Variants in WWP2 observed in about 807,000 individuals in gnomAD.
The protein encoded by WWP2 is WW domain containing E3 ubiquitin protein ligase 2.
A neutral mutation model predicts 121.0 loss-of-function variants in WWP2; 57 were observed. That is an observed-to-expected ratio of 0.47 (90% CI 0.38 to 0.59). The LOEUF is 0.59. Ranked by LOEUF, WWP2 falls within the 20% of genes least tolerant of loss-of-function variation. The probability of loss-of-function intolerance (pLI) is 0.00; values close to 1 mark genes in which losing one functional copy is unlikely to be tolerated. For synonymous variants in WWP2, 449 were observed against 441.3 expected (o/e 1.02, Z -0.22); for missense variants, 962 against 1,158.9 (o/e 0.83, Z 2.47).
chr16:69,924,763 A>AG lies in WWP2; in HGVS notation c.1180-663dup, dbSNP rs1351601443. On this transcript the variant is annotated intron_variant, in intron 10 of 23. Transcript: ENST00000359154. ...ACACTGAGCAACTTCAGGTTCAGGC[A>AG]GGGGAGGAATAAAGGTGCTTTGTAA... Among the ~76,000 whole-genome samples, 5 of 137,560 alleles carry AG rather than the reference A, an allele frequency of 3.6e-5. No individual in the cohort carries two copies. In the East Asian group the frequency reaches 1.1e-3, roughly 31 times the overall value. The allele number at this position is 137,560 out of a possible 152,430, so 90.2% of individuals were successfully genotyped here. A position where few individuals can be genotyped will look rare whatever the true frequency, so the allele number is the denominator to read the frequency against.
intron 1 of WWP2, among the ~76,000 whole-genome samples, chr16:69,770,922 C>T (rs2055400795): frequency 1.3e-5 from 2 of 150,882 alleles, no homozygotes; most frequent in South Asian, 4.2e-4. Context: ...CGCTTGAGCC[C>T]AGGAGTTTGA....
At chr16:69,934,183 C>G in intron 17 of WWP2, 54 bp downstream of exon 17, 2 of 1,597,914 alleles carry the variant, frequency 1.3e-6, no homozygotes, top group Non-Finnish European at 1.7e-6. Context: ...CTCCTCTTCC[C>G]TCTCCTGGTG....
intron 7 of WWP2, 114 bp downstream of exon 7, chr16:69,872,045 C>T: frequency 2.8e-6 from 4 of 1,429,020 alleles, no homozygotes; most frequent in Non-Finnish European, 3.7e-6. Context: ...CGTCAGAAGG[C>T]TCTAGGACTA....
At chr16:69,832,291 G>A (rs2056807700) in intron 4 of WWP2, among the ~76,000 whole-genome samples, 1 of 152,014 alleles carries the variant, frequency 6.6e-6, no homozygotes, top group African/African-American at 2.4e-5. Context: ...TCTATGACGG[G>A]CCATTCCTGT....
chr16:69,939,541 GT>G, intron 23 of WWP2, 128 bp downstream of exon 23: 1 of 938,488 alleles, frequency 1.1e-6, no homozygotes, highest in Non-Finnish European at 1.6e-6. Flanking sequence ...GGGGTGTTGG[GT>G]TGGAGAGATG....
rs560039905 is a variant in WWP2 at position 69,789,450 on chromosome 16, A to G, written c.70+2370A>G. Among the ~76,000 whole-genome samples the G allele has an allele frequency of 3.6e-4, 55 of 152,226 alleles. 1 individual carries two copies. Among genetic ancestry groups the G allele is most frequent in the Admixed American group, 5.9e-4 (9 of 15,278 alleles). The stretch of plus-strand genomic sequence containing the variant: ...TCACCATATTGGGCAGGCTGGCTTC[A>G]AACTCATGACCTCATGATCTCCCCG... On this transcript the variant is annotated intron_variant, in intron 2 of 23. Coordinates refer to ENST00000359154, the MANE Select transcript of WWP2 (RefSeq NM_001270454.2).
intron 6 of WWP2, among the ~76,000 whole-genome samples, chr16:69,846,819 G>A (rs1229145972): frequency 6.6e-6 from 1 of 152,084 alleles, no homozygotes; most frequent in Non-Finnish European, 1.5e-5. Flanking sequence ...AAAGAGTACA[G>A]AGAAAGTTTC....
At chr16:69,778,070 CAAATAT>C (rs936626340) in intron 1 of WWP2, among the ~76,000 whole-genome samples, 1 of 70,178 alleles carries the variant, frequency 1.4e-5, no homozygotes, top group African/African-American at 6.9e-5. Flanking sequence ...AACCCTGTCT[CAAATAT>C]ATATATATAT....
chr16:69,936,665 T>C lies in WWP2; in HGVS notation c.2117+213T>C, dbSNP rs896671939. On this transcript the variant is annotated intron_variant, in intron 19 of 23. Coordinates refer to ENST00000359154, the MANE Select transcript of WWP2 (RefSeq NM_001270454.2). ...AGTTACCGACTCCCAGCTGTGCTTT[T>C]TCGCCATGTGGGAGACTTCAAGCCT... 84 of 649,340 alleles carry C rather than the reference T, an allele frequency of 1.3e-4. 1 individual carries two copies. The highest frequency in any genetic ancestry group is 1.8e-4 in the Non-Finnish European group (71 of 389,184). The allele number at this position is 649,340 out of a possible 1,614,324, so 40.2% of individuals were successfully genotyped here.
chr16:69,870,209 T>C (rs2057608393), intron 6 of WWP2, among the ~76,000 whole-genome samples: 1 of 152,150 alleles, frequency 6.6e-6, no homozygotes, highest in Non-Finnish European at 1.5e-5. Flanking sequence ...TGTAAATGCA[T>C]AGCACACACA....
At chr16:69,821,401 A>G (rs769996888) in intron 4 of WWP2, among the ~76,000 whole-genome samples, 1 of 152,180 alleles carries the variant, frequency 6.6e-6, no homozygotes, top group Non-Finnish European at 1.5e-5. Flanking sequence ...TGTTCCAACA[A>G]TCCTGCACCC....
chr16:69,783,808 T>C, intron 1 of WWP2, among the ~76,000 whole-genome samples: 1 of 104,224 alleles, frequency 9.6e-6, no homozygotes, highest in African/African-American at 4.2e-5. Context: ...AACAACAAAA[T>C]ATTAGAGTTG....
In WWP2 at chr16:69,803,209, TCTC is replaced by T. The variant is rs767212267; in HGVS notation, c.340+3917_340+3919del. On this transcript the variant is annotated intron_variant, in intron 4 of 23. Transcript: ENST00000359154. ...CTTATTTTTTACTTTTTTGCTCTGATCTCCTGGCCTCTCAATAAGAAGTATTTT... is the reference window on the plus strand; with the variant it reads ...CTTATTTTTTACTTTTTTGCTCTGATCTGGCCTCTCAATAAGAAGTATTTT... 1.3e-3 allele frequency among the ~76,000 whole-genome samples: 197 copies of T among 152,198 alleles called. 1 individual carries two copies. The highest frequency in any genetic ancestry group is 4.9e-4 in the Non-Finnish European group (33 of 68,010).
At chr16:69,800,568 CTTT>C (rs11308765) in intron 4 of WWP2, among the ~76,000 whole-genome samples, 6 of 139,698 alleles carry the variant, frequency 4.3e-5, no homozygotes, top group Admixed American at 7.2e-5. Context: ...ATTGTTTTTT[CTTT>C]TTTTTTTTTT....
chr16:69,937,040 A>G lies in WWP2; in HGVS notation c.2118-78A>G, dbSNP rs1035491388. 1.2e-5 allele frequency: 18 copies of G among 1,553,016 alleles called. No homozygotes were observed. Among genetic ancestry groups the G allele is most frequent in the Non-Finnish European group, 1.4e-5 (16 of 1,146,904 alleles). On this transcript the variant is annotated intron_variant, in intron 19 of 23. Transcript: ENST00000359154. This position sits in a 1 kb window ranked among gnomAD's most constrained non-coding sequence, Gnocchi z 6.6. ...GCTGATCTGGTGGTCCTGCGCGGTA[A>G]CGGCCACGCGGCCTGGCCGGGAGCC...
At chr16:69,839,914 G>T (rs1196949368) in intron 4 of WWP2, among the ~76,000 whole-genome samples, 1 of 152,228 alleles carries the variant, frequency 6.6e-6, no homozygotes, top group East Asian at 1.9e-4. Flanking sequence ...TTTAGAAAGA[G>T]TGCAGCTTCC....
At chr16:69,763,719 G>A (rs540382191) in intron 1 of WWP2, among the ~76,000 whole-genome samples, 3 of 152,346 alleles carry the variant, frequency 2.0e-5, no homozygotes, top group South Asian at 2.1e-4. Context: ...CTTCCTGCTA[G>A]ATTGCAAATC....
At chr16:69,772,266 G>A (rs775147051) in intron 1 of WWP2, among the ~76,000 whole-genome samples, 1 of 152,126 alleles carries the variant, frequency 6.6e-6, no homozygotes, top group Non-Finnish European at 1.5e-5. Flanking sequence ...AGGGGCAACT[G>A]CTTGGTTGAA....
chr16:69,857,114 C>CT (rs1232628224), intron 6 of WWP2, among the ~76,000 whole-genome samples: 1 of 151,376 alleles, frequency 6.6e-6, no homozygotes, highest in Non-Finnish European at 1.5e-5. Context: ...ACTTTTTTTA[C>CT]TTTTTTTGAG....
Sources: allele counts gnomAD v4.1 joint callset (sites outside exome capture counted in the v4.1 genomes callset), GRCh38; gene constraint gnomAD v4.1.1; non-coding constraint Gnocchi (gnomAD v3.1); transcripts MANE v1.5; gene names NCBI Gene and HGNC (gene_info 2026-07-23, HGNC 2026-07-21).